Variants in UTP25 observed in about 807,000 individuals in gnomAD.
UTP25 encodes UTP25 small subunit processome component, also known as U3 small nucleolar RNA-associated protein 25 homolog.
A neutral mutation model predicts 78.9 loss-of-function variants in UTP25; 50 were observed. That is an observed-to-expected ratio of 0.63 (90% confidence interval 0.50 to 0.80). The LOEUF (loss-of-function observed/expected upper bound fraction) is 0.80, where lower values mean the gene tolerates loss of function less well. Ranked by LOEUF, UTP25 falls within the 30% of genes least tolerant of loss-of-function variation. UTP25 has a pLI of 0.00. For synonymous variants in UTP25, 329 were observed against 336.5 expected (o/e 0.98, Z 0.24); for missense variants, 846 against 911.3 (o/e 0.93, Z 0.92).
chr1:209,841,397 C>A (rs2078166339), intron 8 of UTP25, among the ~76,000 whole-genome samples: 2 of 152,154 alleles, frequency 1.3e-5, no homozygotes, highest in African/African-American at 4.8e-5. Context: ...CCAGGAACAT[C>A]TTTACCTAAC....
In UTP25 at chr1:209,843,566, A is replaced by G. The variant is rs766805494; in HGVS notation, c.1897A>G (p.Lys633Glu). 2 of 1,614,190 alleles carry G rather than the reference A, an allele frequency of 1.2e-6. No homozygotes were observed. The highest frequency in any genetic ancestry group is 8.5e-7 in the Non-Finnish European group (1 of 1,180,028). Reference protein sequence around the residue: ...DFVRLRNYFKKEELNFTHICE... With the variant: ...DFVRLRNYFKEEELNFTHICE... ...CGTGCGTCTTCGAAATTACTTCAAG[A>G]AGGAGGAATTGAATTTTACCCACAT... Residue 633 changes from lysine (K) to glutamate (E), a missense_variant, in exon 11 of 12, where the codon AAG becomes GAG. Transcript: ENST00000491415.
In UTP25 at chr1:209,833,210, G is replaced by A. The variant is rs1191595109; in HGVS notation, c.414G>A (p.Glu138=). 3 of 1,613,578 alleles carry A rather than the reference G, an allele frequency of 1.9e-6. No homozygotes were observed. The highest frequency in any genetic ancestry group is 1.1e-5 in the South Asian group (1 of 91,068). ...PENVALSADP[E]GKEDGEEPPG... ...ATGTAGCTTTATCTGCTGACCCTGA[G>A]GGAAAAGAAGATGGGGAAGAGCCAC... The change falls in exon 4 of 12, where the codon GAG becomes GAA. Residue 138 remains glutamate (E), a synonymous_variant. Transcript: ENST00000491415.
At position 209,828,020 on chromosome 1, in the gene UTP25, G is replaced by A; in HGVS notation, c.-44G>A. ...GTGTTGACTGGACAACTTCCTGGTGGAAAACCGCGACTCTTGCAAGTGGGC... is the reference window on the plus strand; with the variant it reads ...GTGTTGACTGGACAACTTCCTGGTGAAAAACCGCGACTCTTGCAAGTGGGC... On this transcript the variant is annotated 5_prime_UTR_variant, in exon 1 of 12. Coordinates refer to ENST00000491415, the MANE Select transcript of UTP25 (RefSeq NM_014388.7). 1.3e-6 allele frequency: 2 copies of A among 1,525,566 alleles called. No individual in the cohort carries two copies. The highest frequency in any genetic ancestry group is 1.8e-6 in the Non-Finnish European group (2 of 1,099,666). The allele number at this position is 1,525,566 out of a possible 1,614,324, so 94.5% of individuals were successfully genotyped here.
chr1:209,850,637 A>G (rs2078225320), intron 11 of UTP25, among the ~76,000 whole-genome samples: 1 of 152,208 alleles, frequency 6.6e-6, no homozygotes, highest in African/African-American at 2.4e-5. Context: ...GGAAATGCAT[A>G]CGCTGTTGAA....
In UTP25 at chr1:209,837,222, C is replaced by T; in HGVS notation, c.1062+11C>T. The T allele has an allele frequency of 6.2e-7, 1 of 1,608,028 alleles. No homozygotes were observed. Among genetic ancestry groups the T allele is most frequent in the South Asian group, 1.1e-5 (1 of 90,662 alleles). ...TTAACAAGGCCCAAGGTGAGTCCAG[C>T]AGGAAAGCTTTGCTCTCGAGGAGGT... On this transcript the variant is annotated intron_variant, in intron 6 of 11. Transcript: ENST00000491415.
intron 1 of UTP25, among the ~76,000 whole-genome samples, chr1:209,829,488 TTTTTC>T (rs2078090754): frequency 2.1e-5 from 3 of 144,506 alleles, no homozygotes; most frequent in South Asian, 2.4e-4. Flanking sequence ...TTTCTTTTCT[TTTTTC>T]TTTTTTTTGA....
rs960339 is a variant in UTP25 at position 209,854,376 on chromosome 1, C to T, written c.*2929C>T. 26,489 of 152,176 alleles carry T rather than the reference C, an allele frequency of 0.17. 2,480 individuals carry two copies. Among genetic ancestry groups the T allele is most frequent in the South Asian group, 0.22 (1,050 of 4,812 alleles). The allele number at this position is 152,176 out of a possible 1,614,324, so 9.4% of individuals were successfully genotyped here. On this transcript the variant is annotated 3_prime_UTR_variant, in exon 12 of 12. Transcript: ENST00000491415. ...ATGCTTCTCACAGCTGGCTGCACCA[C>T]GTGCAGTGTTCAAAAAACAAGAACA... is the stretch of plus-strand genomic sequence containing the variant.
At chr1:209,831,558 C>T (rs2102568097) in intron 3 of UTP25, among the ~76,000 whole-genome samples, 3 of 152,258 alleles carry the variant, frequency 2.0e-5, no homozygotes, top group Admixed American at 2.0e-4. Context: ...TGACTTTTTT[C>T]TTTAACTTCA....
intron 11 of UTP25, among the ~76,000 whole-genome samples, chr1:209,848,467 GT>G (rs1036380434): frequency 2.0e-5 from 3 of 151,608 alleles, no homozygotes; most frequent in Middle Eastern, 3.2e-3. Context: ...GCATATAGGG[GT>G]TTTTTTTCTG....
intron 11 of UTP25, among the ~76,000 whole-genome samples, chr1:209,849,934 C>T (rs1040553624): frequency 6.6e-6 from 1 of 152,196 alleles, no homozygotes; most frequent in Non-Finnish European, 1.5e-5. Context: ...CACACTGGCT[C>T]ATGAGACCTG....
Position 209,851,604 on chromosome 1 carries a change from G to A in UTP25, c.*157G>A. On this transcript the variant is annotated 3_prime_UTR_variant, in exon 12 of 12. Transcript: ENST00000491415. ...TCTGACATCTTTCTTTTCAGGTCAT[G>A]TGTCCCTGAAAAGTTAAATGTAAAC... 1.0e-6 allele frequency: 1 copy of A among 998,004 alleles called. No individual in the cohort carries two copies. The highest frequency in any genetic ancestry group is 1.4e-6 in the Non-Finnish European group (1 of 726,104). The allele number at this position is 998,004 out of a possible 1,614,324, so 61.8% of individuals were successfully genotyped here. A position where few individuals can be genotyped will look rare whatever the true frequency, so the allele number is the denominator to read the frequency against.
chr1:209,831,136 T>C, intron 3 of UTP25, 93 bp downstream of exon 3: 6 of 1,311,182 alleles, frequency 4.6e-6, no homozygotes, highest in Non-Finnish European at 6.3e-6. Flanking sequence ...GTGAGTTGGA[T>C]GAAAGGACAT....
chr1:209,839,551 A>G (rs2078154464), intron 7 of UTP25, among the ~76,000 whole-genome samples: 1 of 152,180 alleles, frequency 6.6e-6, no homozygotes, highest in Non-Finnish European at 1.5e-5. Flanking sequence ...TGTGTGCTAC[A>G]TAGATGCCTA....
chr1:209,843,598 G>C lies in UTP25; in HGVS notation c.1929G>C (p.Glu643Asp). ...KEELNFTHIC[E>D]YTQKSGVSRA... ...AATTGAATTTTACCCACATCTGCGAGTACACGCAGAAGTCTGGTGTCTCCA... is the reference window on the plus strand; with the variant it reads ...AATTGAATTTTACCCACATCTGCGACTACACGCAGAAGTCTGGTGTCTCCA... The change falls in exon 11 of 12, where the codon GAG (glutamate) becomes GAC (aspartate). Residue 643 changes from glutamate (E) to aspartate (D), a missense_variant. Coordinates refer to ENST00000491415, the MANE Select transcript of UTP25 (RefSeq NM_014388.7). The C allele has an allele frequency of 6.2e-7, 1 of 1,614,178 alleles. No individual in the cohort carries two copies. The highest frequency in any genetic ancestry group is 1.1e-5 in the South Asian group (1 of 91,086).
rs148653858 is a variant in UTP25, at chr1:209,835,723, A to C, written c.651+560A>C. On this transcript the variant is annotated intron_variant, in intron 5 of 11. Transcript: ENST00000491415. ...TTTAATTGAAATTTTTATTGAGGGAATAATTATAGATATACATGCAGTTGT... is the reference window on the plus strand; with the variant it reads ...TTTAATTGAAATTTTTATTGAGGGACTAATTATAGATATACATGCAGTTGT... Among the ~76,000 whole-genome samples, 50 of 152,242 alleles carry C rather than the reference A, an allele frequency of 3.3e-4. No individual in the cohort carries two copies. The East Asian group carries it at 9.1e-3, about 28-fold the overall frequency.
Position 209,857,512 on chromosome 1 carries a change from ATG to A in UTP25, c.*6073_*6074del, listed in dbSNP as rs2078286897. 1 of 152,256 alleles carries A rather than the reference ATG, an allele frequency of 6.6e-6. No individual in the cohort carries two copies. Among genetic ancestry groups the A allele is most frequent in the Admixed American group, 6.5e-5 (1 of 15,296 alleles). 9.4% of individuals were successfully genotyped at this position (152,256 alleles called of 1,614,324 possible). On this transcript the variant is annotated 3_prime_UTR_variant, in exon 12 of 12. Transcript: ENST00000491415. The stretch of plus-strand genomic sequence containing the variant: ...TTTTCTGCATGAATAATAACCAACA[ATG>A]TGTGTGTATGTATATATATGCTTTT...
intron 8 of UTP25, 65 bp from the exon 9 acceptor site, chr1:209,842,200 T>G: frequency 6.6e-7 from 1 of 1,510,386 alleles, no homozygotes; most frequent in Non-Finnish European, 9.1e-7. Context: ...CGGAAAATGT[T>G]TAGCAATGTC....
In UTP25 at chr1:209,852,634, A is replaced by AT; in HGVS notation, c.*1193dup. ...CCCCCATCTACTTGGGCACTGCTGT[A>AT]TTTTTTGACAATGAGACATTCCAGG... On this transcript the variant is annotated 3_prime_UTR_variant, in exon 12 of 12. Coordinates refer to ENST00000491415, the MANE Select transcript of UTP25 (RefSeq NM_014388.7). The AT allele has an allele frequency of 6.6e-6, 1 of 152,186 alleles. No homozygotes were observed. The highest frequency in any genetic ancestry group is 1.5e-5 in the Non-Finnish European group (1 of 67,988). The allele number at this position is 152,186 out of a possible 1,614,324, so 9.4% of individuals were successfully genotyped here.
chr1:209,850,589 C>A (rs184735371), intron 11 of UTP25, among the ~76,000 whole-genome samples: 305 of 152,302 alleles, frequency 2.0e-3, no homozygotes, highest in African/African-American at 6.3e-3. Context: ...TACACCACCC[C>A]CCACCACAGG....
Sources: gnomAD v4.1 joint callset for allele counts (sites outside exome capture counted in the v4.1 genomes callset) on GRCh38, gnomAD v4.1.1 for gene constraint, MANE v1.5 for transcripts, NCBI Gene and HGNC (gene_info 2026-07-23, HGNC 2026-07-21) for gene names.